Variants in MYRIP observed in about 807,000 individuals in gnomAD.
MYRIP encodes rab effector MyRIP.
A neutral mutation model predicts 98.0 loss-of-function variants in MYRIP; 49 were observed. The observed-to-expected ratio is 0.50, with a 90% confidence interval of 0.40 to 0.63. The LOEUF (loss-of-function observed/expected upper bound fraction) is 0.63. Ranked by LOEUF, MYRIP falls within the 30% of genes least tolerant of loss-of-function variation. MYRIP has a pLI of 0.00. For synonymous variants in MYRIP, 404 were observed against 409.5 expected (o/e 0.99, Z 0.16); for missense variants, 1,004 against 1,058.2 (o/e 0.95, Z 0.71).
Position 39,922,816 on chromosome 3 carries a change from A to G in MYRIP, c.110+21890A>G, listed in dbSNP as rs1944334917. 2.6e-5 allele frequency among the ~76,000 whole-genome samples: 4 copies of G among 152,218 alleles called. No individual in the cohort carries two copies. In the South Asian group the frequency reaches 8.3e-4, roughly 32 times the overall value. On this transcript the variant is annotated intron_variant, in intron 2 of 16. Coordinates refer to ENST00000302541, the MANE Select transcript of MYRIP (RefSeq NM_015460.4). ...CAATACAAATTTGCTCATCATACCA[A>G]GAACCTGGAACATCTCAAACTGAAT...
chr3:39,937,609 A>G (rs1023352091), intron 2 of MYRIP, among the ~76,000 whole-genome samples: 2 of 152,344 alleles, frequency 1.3e-5, no homozygotes, highest in African/African-American at 2.4e-5. Context: ...ATTGGCCCAA[A>G]TAAGAAGGGA....
At chr3:40,155,606 C>A (rs1166332863) in intron 4 of MYRIP, among the ~76,000 whole-genome samples, 1 of 150,748 alleles carries the variant, frequency 6.6e-6, no homozygotes, top group South Asian at 2.1e-4. Context: ...ACAGTCCCAC[C>A]AACAGTGTAA....
intron 3 of MYRIP, among the ~76,000 whole-genome samples, chr3:40,135,933 C>G (rs1364436042): frequency 6.6e-6 from 1 of 152,162 alleles, no homozygotes; most frequent in African/African-American, 2.4e-5. Context: ...AAAAACATGC[C>G]AAATTGTAAA....
chr3:39,875,283 A>G (rs1386304947), intron 1 of MYRIP, among the ~76,000 whole-genome samples: 2 of 152,116 alleles, frequency 1.3e-5, no homozygotes, highest in Admixed American at 6.5e-5. Context: ...GATCCTTTCA[A>G]AAAAGCAGCT....
chr3:39,880,793 G>T (rs528069885), intron 1 of MYRIP, among the ~76,000 whole-genome samples: 1 of 152,198 alleles, frequency 6.6e-6, no homozygotes, highest in East Asian at 1.9e-4. Context: ...CAGGTGTTCT[G>T]AAATTTTCTT....
rs544600134 is a variant in MYRIP at position 40,195,099 on chromosome 3, C to A, written c.1665+4636C>A. Reference sequence around the variant, plus strand: ...TGTGACATAGCAATGACATCTGGCACCTTGCCTTTGTCTTGCTGCTACCCT... The same window carrying A: ...TGTGACATAGCAATGACATCTGGCAACTTGCCTTTGTCTTGCTGCTACCCT... On this transcript the variant is annotated intron_variant, in intron 10 of 16. Coordinates refer to ENST00000302541, the MANE Select transcript of MYRIP (RefSeq NM_015460.4). Among the ~76,000 whole-genome samples the A allele has an allele frequency of 6.6e-5, 10 of 152,278 alleles. No individual in the cohort carries two copies. The South Asian group carries it at 1.0e-3, about 16-fold the overall frequency.
At chr3:39,978,944 T>G (rs1945818809) in intron 2 of MYRIP, among the ~76,000 whole-genome samples, 1 of 152,130 alleles carries the variant, frequency 6.6e-6, no homozygotes, top group Non-Finnish European at 1.5e-5. Flanking sequence ...TCTTATTACC[T>G]CCACTTTTGA....
chr3:40,117,641 A>G (rs943219986), intron 3 of MYRIP, among the ~76,000 whole-genome samples: 1 of 152,228 alleles, frequency 6.6e-6, no homozygotes, highest in Non-Finnish European at 1.5e-5. Context: ...GACGTAGTCC[A>G]TCAGTGTAGA....
At chr3:39,887,033 T>G (rs556704882) in intron 1 of MYRIP, among the ~76,000 whole-genome samples, 2 of 146,372 alleles carry the variant, frequency 1.4e-5, no homozygotes, top group Non-Finnish European at 3.0e-5. Context: ...GGATTAAGAA[T>G]CTCACTCAAA....
At chr3:40,114,075 TCA>T (rs1434304939) in intron 3 of MYRIP, among the ~76,000 whole-genome samples, 1 of 152,138 alleles carries the variant, frequency 6.6e-6, no homozygotes, top group Non-Finnish European at 1.5e-5. Context: ...AAAATAATAA[TCA>T]TTTTGACACC....
chr3:39,988,277 T>A (rs369905517), intron 2 of MYRIP, among the ~76,000 whole-genome samples: 1 of 151,798 alleles, frequency 6.6e-6, no homozygotes, highest in Non-Finnish European at 1.5e-5. Flanking sequence ...AACCTGCACA[T>A]TGTGCACATG....
chr3:40,106,523 G>C (rs1028089516), intron 3 of MYRIP, among the ~76,000 whole-genome samples: 1 of 152,120 alleles, frequency 6.6e-6, no homozygotes, highest in African/African-American at 2.4e-5. Flanking sequence ...GGGGGAAAAA[G>C]TGCCCTTTCT....
chr3:40,108,600 C>A (rs1215927101), intron 3 of MYRIP, among the ~76,000 whole-genome samples: 4 of 152,142 alleles, frequency 2.6e-5, no homozygotes, highest in Non-Finnish European at 5.9e-5. Flanking sequence ...GTAAGAAGTG[C>A]ATTTCAGAAA....
chr3:40,061,579 T>C (rs930937087), intron 3 of MYRIP, among the ~76,000 whole-genome samples: 1 of 152,248 alleles, frequency 6.6e-6, no homozygotes, highest in African/African-American at 2.4e-5. Flanking sequence ...GAATGATTTA[T>C]ACTCCTTTGG....
rs540319335 is a variant in MYRIP, at chr3:39,996,285, C to T, written c.111-47765C>T. 1.4e-3 allele frequency among the ~76,000 whole-genome samples: 219 copies of T among 152,220 alleles called. 1 individual carries two copies. The highest frequency in any genetic ancestry group is 5.1e-3 in the African/African-American group (212 of 41,530). Reference sequence around the variant, plus strand: ...CCATCTGTGTGCTGTATTCAGGAAACCCATCTCACATGCAGAGACACACAT... The same window carrying T: ...CCATCTGTGTGCTGTATTCAGGAAATCCATCTCACATGCAGAGACACACAT... On this transcript the variant is annotated intron_variant, in intron 2 of 16. Coordinates refer to ENST00000302541, the MANE Select transcript of MYRIP (RefSeq NM_015460.4).
chr3:40,202,086 G>T (rs558942563), intron 10 of MYRIP, among the ~76,000 whole-genome samples: 1 of 152,174 alleles, frequency 6.6e-6, no homozygotes, highest in East Asian at 1.9e-4. Context: ...TTTCTCTGAA[G>T]TCTACTAAAA....
At chr3:39,859,766 C>G (rs1942411200) in intron 1 of MYRIP, among the ~76,000 whole-genome samples, 2 of 152,074 alleles carry the variant, frequency 1.3e-5, no homozygotes, top group Non-Finnish European at 2.9e-5. Flanking sequence ...AATGAAGAAT[C>G]ATAAGATTAT....
intron 2 of MYRIP, among the ~76,000 whole-genome samples, chr3:39,990,949 G>A (rs6796838): frequency 0.49 from 73,780 of 151,908 alleles, 19,091 homozygotes; most frequent in African/African-American, 0.69. Flanking sequence ...GGAGTTGAAC[G>A]AAGAACACAT....
intron 16 of MYRIP, among the ~76,000 whole-genome samples, chr3:40,257,518 A>C (rs1328790939): frequency 6.6e-6 from 1 of 152,246 alleles, no homozygotes; most frequent in Non-Finnish European, 1.5e-5. Flanking sequence ...ATAATGGAAC[A>C]CTAGGCATAA....
Sources: gnomAD v4.1 joint callset for allele counts (sites outside exome capture counted in the v4.1 genomes callset) on GRCh38, gnomAD v4.1.1 for gene constraint, MANE v1.5 for transcripts, NCBI Gene and HGNC (gene_info 2026-07-23, HGNC 2026-07-21) for gene names.